The following RABL6 variants were observed in gnomAD, a reference collection of about 807,000 sequenced individuals.
RABL6 encodes the protein rab-like protein 6.
RABL6 carries 28 observed loss-of-function variants against 72.9 expected under a neutral mutation model. The observed-to-expected ratio is 0.38, with a 90% CI of 0.28 to 0.53. The LOEUF (loss-of-function observed/expected upper bound fraction) is 0.53. RABL6 is among the 20% of genes least tolerant of loss of function. The pLI, the probability that RABL6 is intolerant of heterozygous loss-of-function variation, is 0.80. For missense variants in RABL6, 1,029 were observed against 1,008.4 expected (o/e 1.02, Z -0.28); for synonymous variants, 477 against 421.2 (o/e 1.13, Z -1.62).
chr9:136,839,399 C>G lies in RABL6; in HGVS notation c.1671C>G (p.Pro557=). The change falls in exon 12 of 15, where the codon CCC becomes CCG. Residue 557 remains proline, a synonymous_variant. Transcript: ENST00000311502. ...AGGCCTCCTCGTCGGAGAGTGACCC[C>G]GAGGGACCCATTGCTGCACAAATGC... is the stretch of plus-strand genomic sequence containing the variant. ...GEQASSSESD[P]EGPIAAQMLS... is the part of the protein sequence containing the mutation. The G allele has an allele frequency of 6.2e-7, 1 of 1,612,406 alleles. No individual in the cohort carries two copies. Among genetic ancestry groups the G allele is most frequent in the Non-Finnish European group, 8.5e-7 (1 of 1,179,684 alleles).
In RABL6 at chr9:136,826,203, G is replaced by A. The variant is rs2131182257; in HGVS notation, c.313+377G>A. On this transcript the variant is annotated intron_variant, in intron 3 of 14. Coordinates refer to ENST00000311502, the MANE Select transcript of RABL6 (RefSeq NM_024718.5). This position sits in a 1 kb window ranked among gnomAD's most constrained non-coding sequence, Gnocchi z 4.9. ...CCCCCTGCCCATAGCTGAGGACCCAGCTCCTGCGCTCCTGTCCCTGCCAGG... is the reference window on the plus strand; with the variant it reads ...CCCCCTGCCCATAGCTGAGGACCCAACTCCTGCGCTCCTGTCCCTGCCAGG... 6.6e-6 allele frequency among the ~76,000 whole-genome samples: 1 copy of A among 152,278 alleles called. No homozygotes were observed. Among genetic ancestry groups the A allele is most frequent in the Non-Finnish European group, 1.5e-5 (1 of 67,994 alleles).
At chr9:136,815,612 G>A in intron 1 of RABL6, 1 of 168,624 alleles carries the variant, frequency 5.9e-6, no homozygotes, top group Non-Finnish European at 1.3e-5. Flanking sequence ...GACACCAGCT[G>A]CAGCACAGGC....
chr9:136,815,479 G>A, intron 1 of RABL6: 1 of 268,278 alleles, frequency 3.7e-6, no homozygotes, highest in Non-Finnish European at 7.2e-6. Context: ...GCCTCCTTTG[G>A]GGGAGCAGCC....
chr9:136,822,270 T>G (rs989260634), intron 1 of RABL6, among the ~76,000 whole-genome samples: 4 of 152,076 alleles, frequency 2.6e-5, no homozygotes, highest in Admixed American at 6.5e-5. Context: ...GCCCGAGACC[T>G]GGGGAAGTGG....
chr9:136,825,713 G>A (rs919456221), intron 2 of RABL6, 66 bp from the exon 3 acceptor site: 1 of 1,545,582 alleles, frequency 6.5e-7, no homozygotes, highest in Admixed American at 1.7e-5. Context: ...CACACCAGCT[G>A]GACCGCTTTG....
In RABL6 at chr9:136,826,118, G is replaced by A. The variant is rs1033851310; in HGVS notation, c.313+292G>A. ...GTGTGCTTTGAGCCCCAAGGCCCAG[G>A]GTGCTATTTTGGGAGCCCTCCTCCT... On this transcript the variant is annotated intron_variant, in intron 3 of 14. Coordinates refer to ENST00000311502, the MANE Select transcript of RABL6 (RefSeq NM_024718.5). This position sits in a 1 kb window ranked among gnomAD's most constrained non-coding sequence, Gnocchi z 4.9. Among the ~76,000 whole-genome samples the A allele has an allele frequency of 6.6e-6, 1 of 152,152 alleles. No homozygotes were observed. The highest frequency in any genetic ancestry group is 2.4e-5 in the African/African-American group (1 of 41,428).
chr9:136,840,379 G>A lies in RABL6; in HGVS notation c.2047G>A (p.Glu683Lys), dbSNP rs1588376363. ...SKHKKSKDKEEGKEERRRRQQ... is the reference protein window; with the variant it reads ...SKHKKSKDKEKGKEERRRRQQ... ...ACACAAGAAGAGCAAGGACAAGGAG[G>A]AGGGCAAGGAGGAGCGGCGACGGCG... Residue 683 changes from glutamate (E) to lysine (K), a missense_variant, in exon 15 of 15, where the codon GAG becomes AAG. Physicochemically the swap from Glu to Lys is moderately conservative, Grantham distance 56. Coordinates refer to ENST00000311502, the MANE Select transcript of RABL6 (RefSeq NM_024718.5). The A allele has an allele frequency of 6.4e-7, 1 of 1,554,352 alleles. No individual in the cohort carries two copies. Among genetic ancestry groups the A allele is most frequent in the Non-Finnish European group, 8.7e-7 (1 of 1,149,104 alleles).
At chr9:136,811,210 A>C (rs1346487232) in intron 1 of RABL6, among the ~76,000 whole-genome samples, 1 of 152,222 alleles carries the variant, frequency 6.6e-6, no homozygotes, top group Non-Finnish European at 1.5e-5. Flanking sequence ...GCTTGGTTTT[A>C]TACATTTTAG....
intron 1 of RABL6, among the ~76,000 whole-genome samples, chr9:136,811,973 C>G (rs1316306704): frequency 1.3e-5 from 2 of 152,202 alleles, no homozygotes; most frequent in African/African-American, 4.8e-5. Context: ...GAAGTCCATT[C>G]AGATGGTTGG....
At chr9:136,823,024 C>T (rs1393008622) in intron 1 of RABL6, among the ~76,000 whole-genome samples, 3 of 149,108 alleles carry the variant, frequency 2.0e-5, no homozygotes, top group Admixed American at 6.7e-5. Flanking sequence ...GGAGGTGGAG[C>T]TTGCAGTGAG....
intron 1 of RABL6, 112 bp from the exon 2 acceptor site, chr9:136,823,413 G>A: frequency 2.8e-6 from 4 of 1,411,120 alleles, no homozygotes; most frequent in Non-Finnish European, 2.9e-6. Flanking sequence ...ATTCTAGCAA[G>A]AAAGATGAAA....
rs1315513651 is a variant in RABL6 at position 136,838,001 on chromosome 9, G to A, written c.1266G>A (p.Gln422=). ...AGAAGGTGGGGGCCAAGGCTGCCCA[G>A]CAGGACAGCGACAGGTGAGGGGTGG... ...DEKKVGAKAA[Q]QDSDSDGEAL... Residue 422 remains glutamine (Q), a synonymous_variant, in exon 10 of 15, where the codon CAG becomes CAA. Coordinates refer to ENST00000311502, the MANE Select transcript of RABL6 (RefSeq NM_024718.5). 3.8e-6 allele frequency: 6 copies of A among 1,564,498 alleles called. No individual in the cohort carries two copies. Among genetic ancestry groups the A allele is most frequent in the South Asian group, 3.5e-5 (3 of 84,910 alleles).
intron 1 of RABL6, chr9:136,809,891 C>T (rs1847969507): frequency 6.4e-6 from 1 of 156,656 alleles, no homozygotes; most frequent in South Asian, 2.0e-4. Context: ...CTCAGGACTC[C>T]TCTGTCCAGG....
At chr9:136,833,748 G>T in intron 7 of RABL6, 1 of 1,550,496 alleles carries the variant, frequency 6.4e-7, no homozygotes, top group Non-Finnish European at 8.7e-7. Context: ...CAGGAAAGGG[G>T]CTGTGCTGTC....
intron 5 of RABL6, chr9:136,831,008 C>A (rs1848461902): frequency 6.5e-6 from 1 of 154,848 alleles, no homozygotes; most frequent in South Asian, 2.0e-4. Flanking sequence ...CCTGGGCCGG[C>A]CTTGGTGAGG....
chr9:136,808,651 A>C (rs1348605124), intron 1 of RABL6: 6 of 153,214 alleles, frequency 3.9e-5, no homozygotes, highest in Non-Finnish European at 2.9e-5. Context: ...TGATTACATA[A>C]TGCCAAGCAG....
rs1374448804 is a variant in RABL6, at chr9:136,831,743, G to T, written c.481G>T (p.Glu161Ter). 1 of 1,613,366 alleles carries T rather than the reference G, an allele frequency of 6.2e-7. No individual in the cohort carries two copies. Among genetic ancestry groups the T allele is most frequent in the Non-Finnish European group, 8.5e-7 (1 of 1,179,848 alleles). ...GAGGACCTTCAATTACATTCTCCGG[G>T]AGCTTCCAAAAGTGCCCACCCACGT... Reference protein sequence around the residue: ...KQWTFNYILRELPKVPTHVPV... With the variant: ...KQWTFNYILR Residue 161 changes from glutamate (E) to a stop codon, truncating the protein, a stop_gained, in exon 6 of 15, where the codon GAG (glutamate) becomes TAG (stop). Transcript: ENST00000311502. LOFTEE classifies it high-confidence loss of function.
Position 136,839,704 on chromosome 9 carries a change from C to T in RABL6, c.1769C>T (p.Pro590Leu), listed in dbSNP as rs377730756. Residue 590 changes from proline to leucine, a missense_variant, in exon 13 of 15, where the codon CCC (proline) becomes CTC (leucine). Pro to Leu is a moderately conservative substitution (Grantham distance 98). Coordinates refer to ENST00000311502, the MANE Select transcript of RABL6 (RefSeq NM_024718.5). The stretch of plus-strand genomic sequence containing the variant: ...CTCTCCCTGCTCCAGGATGACTTTC[C>T]CGTGCGAGATGACCCCTCCGATGTG... ...SDTQRRADDF[P>L]VRDDPSDVTD... 2.1e-5 allele frequency: 33 copies of T among 1,584,848 alleles called. No individual in the cohort carries two copies. The highest frequency in any genetic ancestry group is 2.7e-5 in the Non-Finnish European group (31 of 1,162,150).
chr9:136,812,787 C>G, intron 1 of RABL6: 1 of 362,240 alleles, frequency 2.8e-6, no homozygotes, highest in South Asian at 2.5e-5. Flanking sequence ...AGAAGCCGTT[C>G]AAACTTTGTC....
Sources: gnomAD v4.1 joint callset for allele counts (sites outside exome capture counted in the v4.1 genomes callset) on GRCh38, gnomAD v4.1.1 for gene constraint, Gnocchi (gnomAD v3.1) non-coding constraint, MANE v1.5 for transcripts, NCBI Gene and HGNC (gene_info 2026-07-23, HGNC 2026-07-21) for gene names.